PRSS53: variants seen among roughly 807,000 people sequenced by gnomAD.
The protein encoded by PRSS53 is serine protease 53.
Under a neutral mutation model 62.7 loss-of-function variants are expected in PRSS53, and 54 were observed. The observed-to-expected ratio is 0.86, with a 90% CI of 0.69 to 1.08. The LOEUF is 1.08. Among genes scored for constraint, PRSS53 ranks in the 50% least tolerant of loss-of-function variants. PRSS53 has a pLI of 0.00. For missense variants in PRSS53, 688 were observed against 728.3 expected (o/e 0.94, Z 0.64); for synonymous variants, 273 against 300.0 (o/e 0.91, Z 0.93).
intron 1 of PRSS53, 142 bp downstream of exon 1, chr16:31,088,610 C>A: frequency 2.0e-6 from 3 of 1,489,502 alleles, no homozygotes; most frequent in Non-Finnish European, 1.8e-6. Context: ...TACCACCCCA[C>A]AGAGTCCTAC....
In PRSS53 at chr16:31,086,555, C is replaced by G. The variant is rs754565916; in HGVS notation, c.509-64G>C. ...CTGGGAAGCAAGGGAGACTGGAAGC[C>G]AGGACAGTTGGGAGCTGAGACTGTG... On this transcript the variant is annotated intron_variant, in intron 4 of 10. Coordinates refer to ENST00000280606, the Ensembl canonical transcript of PRSS53. 3.9e-5 allele frequency: 61 copies of G among 1,571,908 alleles called. No individual in the cohort carries two copies. The Middle Eastern group carries it at 1.0e-3, about 26-fold the overall frequency.
rs780553199 is a variant in PRSS53, at chr16:31,086,330, A to G, written c.663+7T>C. The G allele has an allele frequency of 6.8e-6, 11 of 1,606,750 alleles. No individual in the cohort carries two copies. In the East Asian group the frequency reaches 8.9e-5, roughly 13 times the overall value. ...CCCTTCTGCTCCTTCTCTTCTCCCT[A>G]TCAGACCTGACAGGGGCCCTGCACC... On this transcript the variant is annotated splice_region_variant and intron_variant, in intron 5 of 10. Coordinates refer to ENST00000280606, the Ensembl canonical transcript of PRSS53.
chr16:31,086,225 A>C, intron 5 of PRSS53, 42 bp from the exon 6 acceptor site: 6 of 1,593,346 alleles, frequency 3.8e-6, no homozygotes, highest in Non-Finnish European at 5.1e-6. Context: ...GCCTGAGCCC[A>C]GCTATGGCAG....
exon 10 of PRSS53, chr16:31,084,248 G>C: frequency 6.2e-7 from 1 of 1,612,170 alleles, no homozygotes; most frequent in Non-Finnish European, 8.5e-7. Context: ...GGCCTGGCGG[G>C]GCCTTGGCAA....
Position 31,086,526 on chromosome 16 carries a change from G to A in PRSS53, c.509-35C>T, listed in dbSNP as rs776382265. 2.9e-5 allele frequency: 46 copies of A among 1,589,246 alleles called. No homozygotes were observed. The South Asian group carries it at 5.0e-4, about 17-fold the overall frequency. On this transcript the variant is annotated intron_variant, in intron 4 of 10. Coordinates refer to ENST00000280606, the Ensembl canonical transcript of PRSS53. ...GAGACGGGGCTGGGGCTAGAGTCTGGGATCTGGGAAGCAAGGGAGACTGGA... is the reference window on the plus strand; with the variant it reads ...GAGACGGGGCTGGGGCTAGAGTCTGAGATCTGGGAAGCAAGGGAGACTGGA...
At chr16:31,083,464 T>G (rs2057191842) in exon 11 of PRSS53, 3 of 1,312,204 alleles carry the variant, frequency 2.3e-6, no homozygotes, top group Admixed American at 3.8e-5. Flanking sequence ...TATTTAAGTT[T>G]AAAAAAAGGA....
At chr16:31,086,116 CTGA>C (rs1405468556) in exon 6 of PRSS53, 9 of 1,613,398 alleles carry the variant, frequency 5.6e-6, no homozygotes, top group Non-Finnish European at 7.6e-6. Context: ...TGATGCAAAG[CTGA>C]TGATGCCAGC....
chr16:31,084,121 A>G (rs1371500945), exon 10 of PRSS53: 1 of 1,574,138 alleles, frequency 6.4e-7, no homozygotes, highest in South Asian at 1.2e-5. Context: ...CCACATACTT[A>G]TGTTGGCCAG....
exon 9 of PRSS53, chr16:31,084,612 A>G: frequency 6.2e-7 from 1 of 1,607,280 alleles, no homozygotes. Context: ...CCGGCAGAAT[A>G]GGGCTGCCAT....
At chr16:31,083,696 C>T (rs1451183340) in exon 11 of PRSS53, 1 of 1,606,174 alleles carries the variant, frequency 6.2e-7, no homozygotes, top group Admixed American at 1.7e-5. Context: ...TGCCCTGGTG[C>T]CTGGAATCAC....
chr16:31,087,675 G>A (rs763979027), exon 3 of PRSS53: 2 of 1,612,060 alleles, frequency 1.2e-6, no homozygotes, highest in African/African-American at 1.3e-5. Flanking sequence ...AGGCTTGGGG[G>A]GGCCGGGGCC....
chr16:31,086,946 A>G (rs1173260561), intron 3 of PRSS53, 48 bp from the exon 4 acceptor site: 10 of 1,527,206 alleles, frequency 6.5e-6, no homozygotes. Context: ...AAGGGTAGAC[A>G]GTGACACCAT....
exon 6 of PRSS53, chr16:31,086,176 G>A (rs566271722): frequency 6.2e-7 from 1 of 1,610,786 alleles, no homozygotes; most frequent in South Asian, 1.1e-5. Context: ...AGGGCCCCCG[G>A]AATCTCCCTG....
At chr16:31,086,361 C>G in exon 5 of PRSS53, 2 of 1,613,226 alleles carry the variant, frequency 1.2e-6, no homozygotes. Context: ...GCACCCCAGG[C>G]TGGGGGCCCC....
chr16:31,086,336 C>G lies in PRSS53; in HGVS notation c.663+1G>C, dbSNP rs747400211. ...TGCTCCTTCTCTTCTCCCTATCAGA[C>G]CTGACAGGGGCCCTGCACCCCAGGC... On this transcript the variant is annotated splice_donor_variant, in intron 5 of 10. Coordinates refer to ENST00000280606, the Ensembl canonical transcript of PRSS53. LOFTEE classifies it high-confidence loss of function. 4.4e-6 allele frequency: 7 copies of G among 1,609,112 alleles called. No homozygotes were observed. The highest frequency in any genetic ancestry group is 1.7e-5 in the Admixed American group (1 of 59,658).
At chr16:31,086,463 C>G in exon 5 of PRSS53, 1 of 1,613,852 alleles carries the variant, frequency 6.2e-7, no homozygotes, top group Non-Finnish European at 8.5e-7. Flanking sequence ...TGATGAGACG[C>G]AGGCGCAGAT....
chr16:31,083,858 G>A (rs566965645), intron 10 of PRSS53, 49 bp from the exon 11 acceptor site: 1 of 1,597,676 alleles, frequency 6.3e-7, no homozygotes, highest in Non-Finnish European at 8.6e-7. Context: ...CACGGCTTTG[G>A]TCCCTCCCTC....
intron 1 of PRSS53, 170 bp downstream of exon 1, chr16:31,088,582 G>A: frequency 2.1e-6 from 3 of 1,440,904 alleles, no homozygotes; most frequent in South Asian, 2.8e-5. Context: ...CATCCATGTT[G>A]ACACAGGTGG....
chr16:31,086,871 C>A, exon 4 of PRSS53: 1 of 1,603,160 alleles, frequency 6.2e-7, no homozygotes. Context: ...GGACCACTGA[C>A]CAGGAATTCA....
Sources: allele counts gnomAD v4.1 joint callset, GRCh38; gene constraint gnomAD v4.1.1; transcripts MANE v1.5; gene names NCBI Gene and HGNC (gene_info 2026-07-23, HGNC 2026-07-21).